The following CGNL1 variants were observed in gnomAD, a reference collection of about 807,000 sequenced individuals.
The protein encoded by CGNL1 is cingulin-like protein 1.
A neutral mutation model predicts 141.2 loss-of-function variants in CGNL1; 132 were observed. The ratio of observed to expected loss-of-function variants is 0.93; its 90% confidence interval spans 0.81 to 1.08. The LOEUF (loss-of-function observed/expected upper bound fraction) is 1.08, where lower values mean the gene tolerates loss of function less well. Ranked by LOEUF, CGNL1 falls within the 50% of genes least tolerant of loss-of-function variation. The pLI, the probability that CGNL1 is intolerant of heterozygous loss-of-function variation, is 0.00. For synonymous variants in CGNL1, 690 were observed against 622.1 expected, an observed-to-expected ratio of 1.11 and a Z score of -1.63; for missense variants, 1,870 against 1,588.6, an observed-to-expected ratio of 1.18 and a Z score of -3.01.
intron 1 of CGNL1, among the ~76,000 whole-genome samples, chr15:57,379,065 A>T (rs1282855824): frequency 1.3e-5 from 2 of 150,942 alleles, no homozygotes; most frequent in Admixed American, 6.6e-5. Context: ...TGTGTGTGTG[A>T]GTGAGTGAGA....
chr15:57,546,380 A>G (rs1239792491), intron 18 of CGNL1, 141 bp downstream of exon 18: 1 of 1,052,628 alleles, frequency 9.5e-7, no homozygotes, highest in African/African-American at 1.6e-5. Flanking sequence ...TTAGAGATGA[A>G]GGTGGCTGTG....
chr15:57,467,338 G>C (rs60826882), intron 8 of CGNL1, among the ~76,000 whole-genome samples: 1 of 152,180 alleles, frequency 6.6e-6, no homozygotes, highest in Admixed American at 6.5e-5. Flanking sequence ...TTAGGGAGGG[G>C]ACAGTATTTG....
chr15:57,440,580 C>A (rs549222463), intron 3 of CGNL1, 109 bp downstream of exon 3: 3 of 828,958 alleles, frequency 3.6e-6, no homozygotes, highest in African/African-American at 3.4e-5. Context: ...CCTGTGCCAG[C>A]CGTTGGAGGG....
intron 1 of CGNL1, among the ~76,000 whole-genome samples, chr15:57,413,521 G>A (rs150309455): frequency 2.6e-3 from 393 of 152,052 alleles, no homozygotes; most frequent in African/African-American, 9.1e-3. Flanking sequence ...TCTGGGCTCA[G>A]GCCATCCATC....
intron 8 of CGNL1, among the ~76,000 whole-genome samples, chr15:57,481,921 A>G (rs1401036347): frequency 6.6e-6 from 1 of 152,152 alleles, no homozygotes; most frequent in East Asian, 1.9e-4. Flanking sequence ...TGTTCCCAGC[A>G]TTTGGCATTG....
intron 8 of CGNL1, among the ~76,000 whole-genome samples, chr15:57,468,559 CGTGTGTGTGTGTGT>C (rs67758921): frequency 3.2e-3 from 465 of 145,950 alleles, no homozygotes; most frequent in Non-Finnish European, 5.8e-3. Flanking sequence ...AAAAAGTTTG[CGTGTGTGTGTGTGT>C]GTGTGTGTGT....
At chr15:57,428,497 G>A (rs2063005314) in intron 1 of CGNL1, among the ~76,000 whole-genome samples, 1 of 152,162 alleles carries the variant, frequency 6.6e-6, no homozygotes. Context: ...GTCTGACTCA[G>A]AATCAGTAGA....
At chr15:57,455,647 A>T (rs1274392750) in intron 7 of CGNL1, among the ~76,000 whole-genome samples, 1 of 152,206 alleles carries the variant, frequency 6.6e-6, no homozygotes, top group African/African-American at 2.4e-5. Context: ...TGAATAAATA[A>T]TTTTTCGTAT....
chr15:57,442,261 C>A (rs565412552), intron 3 of CGNL1, 112 bp from the exon 4 acceptor site: 3 of 448,724 alleles, frequency 6.7e-6, no homozygotes, highest in South Asian at 2.7e-5. Context: ...TAATTCACAG[C>A]TCCTGCAAAT....
chr15:57,521,502 G>A (rs576495137), intron 10 of CGNL1, among the ~76,000 whole-genome samples: 2 of 152,240 alleles, frequency 1.3e-5, no homozygotes, highest in Admixed American at 6.6e-5. Flanking sequence ...GCCTAATAGT[G>A]AACATACCCA....
At chr15:57,426,612 A>ATTTTTTTTTTTTTTTTTT (rs35055374) in intron 1 of CGNL1, among the ~76,000 whole-genome samples, 1 of 119,644 alleles carries the variant, frequency 8.4e-6, no homozygotes, top group Non-Finnish European at 1.7e-5. Context: ...ATGCTTGGCT[A>ATTTTTTTTTTTTTTTTTT]TTTTTTTTTT....
chr15:57,387,015 C>T (rs187356649), intron 1 of CGNL1, among the ~76,000 whole-genome samples: 10 of 152,166 alleles, frequency 6.6e-5, no homozygotes, highest in Admixed American at 5.2e-4. Flanking sequence ...CAACCATCAC[C>T]ACTATCTAAT....
intron 1 of CGNL1, among the ~76,000 whole-genome samples, chr15:57,437,475 TAACAAAGA>T (rs2063118724): frequency 6.6e-6 from 1 of 150,742 alleles, no homozygotes; most frequent in Admixed American, 6.6e-5. Context: ...AACTGCAGAG[TAACAAAGA>T]AAAATGGTGA....
chr15:57,508,817 A>T (rs1292080761), intron 8 of CGNL1, among the ~76,000 whole-genome samples: 1 of 152,240 alleles, frequency 6.6e-6, no homozygotes, highest in Non-Finnish European at 1.5e-5. Flanking sequence ...TTAGAAATGC[A>T]GAGTCCTGGG....
chr15:57,412,827 C>T (rs2062805384), intron 1 of CGNL1, among the ~76,000 whole-genome samples: 1 of 152,190 alleles, frequency 6.6e-6, no homozygotes, highest in Non-Finnish European at 1.5e-5. Flanking sequence ...TACTCCCCTC[C>T]TTCTGTACCC....
chr15:57,474,240 A>G (rs1331794944), intron 8 of CGNL1, among the ~76,000 whole-genome samples: 1 of 151,994 alleles, frequency 6.6e-6, no homozygotes, highest in Non-Finnish European at 1.5e-5. Context: ...CCTTACCCTC[A>G]GAAACTTTGT....
intron 8 of CGNL1, among the ~76,000 whole-genome samples, chr15:57,484,831 A>G (rs1311140207): frequency 6.6e-6 from 1 of 151,832 alleles, no homozygotes; most frequent in Non-Finnish European, 1.5e-5. Flanking sequence ...TTCCTGTGTT[A>G]GTTTGCTGAG....
chr15:57,534,533 C>T (rs1595807297), intron 14 of CGNL1, among the ~76,000 whole-genome samples: 2 of 152,168 alleles, frequency 1.3e-5, no homozygotes, highest in Non-Finnish European at 2.9e-5. Flanking sequence ...AATGAAGGCT[C>T]TCTGGGGAGG....
chr15:57,497,464 GA>G (rs2063957304), intron 8 of CGNL1, among the ~76,000 whole-genome samples: 1 of 152,168 alleles, frequency 6.6e-6, no homozygotes. Context: ...CTCAGCAGGG[GA>G]AAAAGAATAA....
Sources: allele counts gnomAD v4.1 joint callset (sites outside exome capture counted in the v4.1 genomes callset), GRCh38; gene constraint gnomAD v4.1.1; transcripts MANE v1.5; gene names NCBI Gene and HGNC (gene_info 2026-07-23, HGNC 2026-07-21).